FGF12: variants seen among roughly 807,000 people sequenced by gnomAD.
FGF12 encodes the protein fibroblast growth factor 12B.
FGF12 carries 14 observed loss-of-function variants against 23.6 expected under a neutral mutation model. That is an observed-to-expected ratio of 0.59 (90% CI 0.39 to 0.93). FGF12 has a LOEUF of 0.93. FGF12 is among the 40% of genes least tolerant of loss of function. The pLI, the probability that FGF12 is intolerant of heterozygous loss-of-function variation, is 0.00. For synonymous variants in FGF12, 62 were observed against 77.3 expected (o/e 0.80, Z 1.04); for missense variants, 175 against 217.8 (o/e 0.80, Z 1.24).
chr3:192,257,645 T>C (rs982321814), intron 4 of FGF12, among the ~76,000 whole-genome samples: 1 of 152,156 alleles, frequency 6.6e-6, no homozygotes, highest in African/African-American at 2.4e-5. Flanking sequence ...GCTGATTGGT[T>C]GAGTTAACCA....
rs542575739 is a variant in FGF12, at chr3:192,329,715, T to C, written c.228+5646A>G. Among the ~76,000 whole-genome samples, 10 of 152,316 alleles carry C rather than the reference T, an allele frequency of 6.6e-5. No homozygotes were observed. In the East Asian group the frequency reaches 1.7e-3, roughly 26 times the overall value. On this transcript the variant is annotated intron_variant, in intron 4 of 5. Coordinates refer to ENST00000445105, the MANE Select transcript of FGF12 (RefSeq NM_004113.6). The stretch of plus-strand genomic sequence containing the variant: ...TGGTCTTACAAGTTTTGTCAAAAAC[T>C]TTTAAAACTCAAAAAGAATAAAACA...
intron 2 of FGF12, among the ~76,000 whole-genome samples, chr3:192,422,641 A>G (rs1721568071): frequency 6.6e-6 from 1 of 152,176 alleles, no homozygotes; most frequent in South Asian, 2.1e-4. Flanking sequence ...AACTGGTCTA[A>G]GCACTTTATA....
chr3:192,487,336 T>C lies in FGF12; in HGVS notation c.14-126798A>G, dbSNP rs375440728. 7.9e-5 allele frequency among the ~76,000 whole-genome samples: 12 copies of C among 152,276 alleles called. 1 individual carries two copies. Among genetic ancestry groups the C allele is most frequent in the Admixed American group, 5.2e-4 (8 of 15,274 alleles). On this transcript the variant is annotated intron_variant, in intron 2 of 5. Coordinates refer to ENST00000445105, the MANE Select transcript of FGF12 (RefSeq NM_004113.6). ...AGACTATGCCAACTTGATCTTTTTT[T>C]TCTAAACCTGATCTTAATTCACTTA...
At chr3:192,682,853 G>A (rs1402467296) in intron 2 of FGF12, among the ~76,000 whole-genome samples, 1 of 152,190 alleles carries the variant, frequency 6.6e-6, no homozygotes, top group Non-Finnish European at 1.5e-5. Context: ...TGTGGCCAAT[G>A]ACTCAATCGG....
chr3:192,618,639 A>C (rs1169947867), intron 2 of FGF12, among the ~76,000 whole-genome samples: 2 of 152,160 alleles, frequency 1.3e-5, no homozygotes, highest in Admixed American at 6.6e-5. Flanking sequence ...TCAAAATTTT[A>C]ATTTCAGTCT....
intron 5 of FGF12, among the ~76,000 whole-genome samples, chr3:192,154,858 G>A (rs1270085396): frequency 3.5e-5 from 5 of 142,986 alleles, no homozygotes; most frequent in Non-Finnish European, 3.1e-5. Flanking sequence ...CGAGCTTCCC[G>A]GCTGCTTTGT....
chr3:192,632,885 T>TG (rs1182175840), intron 2 of FGF12, among the ~76,000 whole-genome samples: 1 of 151,908 alleles, frequency 6.6e-6, no homozygotes. Flanking sequence ...CTAGAAGCTC[T>TG]GGGGGGGAAT....
chr3:192,320,427 C>T (rs959168752), intron 4 of FGF12, among the ~76,000 whole-genome samples: 57 of 152,214 alleles, frequency 3.7e-4, no homozygotes, highest in African/African-American at 1.3e-3. Context: ...AGAAAATCAA[C>T]AAAGAAATAA....
At chr3:192,491,715 C>T (rs967244480) in intron 2 of FGF12, among the ~76,000 whole-genome samples, 7 of 152,112 alleles carry the variant, frequency 4.6e-5, no homozygotes, top group Non-Finnish European at 8.8e-5. Context: ...TGTTCTCCAT[C>T]GTCTTCCAGT....
At position 192,148,405 on chromosome 3, in the gene FGF12, A is replaced by T. The variant is rs74417030; in HGVS notation, c.428-4278T>A. Among the ~76,000 whole-genome samples, 1,305 of 152,310 alleles carry T rather than the reference A, an allele frequency of 8.6e-3. 13 individuals carry two copies. The highest frequency in any genetic ancestry group is 0.013 in the Non-Finnish European group (861 of 68,026). On this transcript the variant is annotated intron_variant, in intron 5 of 5. Coordinates refer to ENST00000445105, the MANE Select transcript of FGF12 (RefSeq NM_004113.6). ...TTATGTGAGATACCCAGAGTAGTCA[A>T]GTTCACAGAGGCAAAAAATAGAACT...
At chr3:192,181,014 GCTGGAT>G (rs1333958042) in intron 4 of FGF12, among the ~76,000 whole-genome samples, 2 of 152,144 alleles carry the variant, frequency 1.3e-5, no homozygotes, top group Middle Eastern at 3.2e-3. Flanking sequence ...GTGAAAAAGG[GCTGGAT>G]GGAATGAGGG....
At chr3:192,172,566 A>G (rs980315848) in intron 4 of FGF12, among the ~76,000 whole-genome samples, 4 of 151,016 alleles carry the variant, frequency 2.6e-5, no homozygotes, top group African/African-American at 9.7e-5. Context: ...CTAGCTTAAG[A>G]ATCAAAGAAA....
chr3:192,516,571 G>C (rs1330498340), intron 2 of FGF12: 3 of 152,172 alleles, frequency 2.0e-5, no homozygotes, highest in African/African-American at 7.2e-5. Context: ...TCTCTCAGAG[G>C]TGATGGAAGA....
intron 2 of FGF12, among the ~76,000 whole-genome samples, chr3:192,516,295 A>T (rs1724664949): frequency 6.6e-6 from 1 of 152,068 alleles, no homozygotes; most frequent in Non-Finnish European, 1.5e-5. Context: ...GTGACAGTGA[A>T]CTCAGCAGCT....
chr3:192,405,051 T>C (rs1328047728), intron 2 of FGF12, among the ~76,000 whole-genome samples: 1 of 144,918 alleles, frequency 6.9e-6, no homozygotes, highest in Non-Finnish European at 1.5e-5. Flanking sequence ...AATCTAGTTC[T>C]AGTCTCAATT....
chr3:192,218,143 CT>C (rs1030047120), intron 4 of FGF12, among the ~76,000 whole-genome samples: 3 of 152,122 alleles, frequency 2.0e-5, no homozygotes, highest in African/African-American at 7.2e-5. Flanking sequence ...CTTCTTGTCA[CT>C]TTTCTACGTC....
At chr3:192,218,369 C>A (rs571241961) in intron 4 of FGF12, among the ~76,000 whole-genome samples, 1 of 152,180 alleles carries the variant, frequency 6.6e-6, no homozygotes, top group East Asian at 1.9e-4. Flanking sequence ...TTGTTATCCC[C>A]AATGTTGGAG....
chr3:192,629,343 C>T (rs1182450929), intron 2 of FGF12, among the ~76,000 whole-genome samples: 1 of 152,212 alleles, frequency 6.6e-6, no homozygotes, highest in Non-Finnish European at 1.5e-5. Context: ...CACCTAATCA[C>T]CACCATGACT....
chr3:192,561,315 T>C (rs764816481), intron 2 of FGF12, among the ~76,000 whole-genome samples: 8 of 151,964 alleles, frequency 5.3e-5, no homozygotes, highest in Non-Finnish European at 1.0e-4. Flanking sequence ...GTTATCAACA[T>C]CATTAGTCTT....
Sources: gnomAD v4.1 joint callset for allele counts (sites outside exome capture counted in the v4.1 genomes callset) on GRCh38, gnomAD v4.1.1 for gene constraint, MANE v1.5 for transcripts, NCBI Gene and HGNC (gene_info 2026-07-23, HGNC 2026-07-21) for gene names.